The following MDGA2 variants were observed in gnomAD, a reference collection of about 807,000 sequenced individuals.
MDGA2 encodes MAM domain containing glycosylphosphatidylinositol anchor 2, also known as MAM domain-containing glycosylphosphatidylinositol anchor protein 2.
MDGA2 carries 40 observed loss-of-function variants against 117.8 expected under a neutral mutation model. The ratio of observed to expected loss-of-function variants is 0.34; its 90% CI spans 0.26 to 0.44. The LOEUF (loss-of-function observed/expected upper bound fraction) is 0.44. Among genes scored for constraint, MDGA2 ranks in the 20% least tolerant of loss-of-function variants. MDGA2 has a pLI of 1.00. For synonymous variants in MDGA2, 452 were observed against 439.0 expected (o/e 1.03, Z -0.37); for missense variants, 1,123 against 1,250.6 (o/e 0.90, Z 1.54).
intron 5 of MDGA2, among the ~76,000 whole-genome samples, chr14:47,125,604 T>C (rs943276111): frequency 1.3e-5 from 2 of 151,586 alleles, no homozygotes; most frequent in African/African-American, 4.8e-5. Flanking sequence ...GGAAAAAAAA[T>C]TGAAGAATAA....
intron 8 of MDGA2, among the ~76,000 whole-genome samples, chr14:46,971,172 TA>T (rs754032656): frequency 2.6e-5 from 4 of 151,816 alleles, no homozygotes; most frequent in Non-Finnish European, 5.9e-5. Flanking sequence ...TCAAAAAAAA[TA>T]AAAATAGAAC....
At chr14:47,400,947 C>T (rs1369450117) in intron 1 of MDGA2, among the ~76,000 whole-genome samples, 1 of 150,336 alleles carries the variant, frequency 6.7e-6, no homozygotes, top group African/African-American at 2.4e-5. Flanking sequence ...TTAGTAGAGA[C>T]GGGGTTTCAC....
Position 47,155,888 on chromosome 14 carries a change from C to CTTTTTTTTTTTTT in MDGA2, c.596-11627_596-11615dup, listed in dbSNP as rs55827732. ...ATTCTTTTCTTTTCTTCTTCTTCTT[C>CTTTTTTTTTTTTT]TTTTTTTTTTTTTTTTTTTTTTTTT... On this transcript the variant is annotated intron_variant, in intron 3 of 16. Coordinates refer to ENST00000399232, the MANE Select transcript of MDGA2 (RefSeq NM_001113498.3). Among the ~76,000 whole-genome samples the CTTTTTTTTTTTTT allele has an allele frequency of 1.8e-3, 74 of 40,142 alleles. 7 individuals carry two copies. The highest frequency in any genetic ancestry group is 2.6e-3 in the Non-Finnish European group (60 of 23,046). 26.3% of individuals were successfully genotyped at this position (40,142 alleles called of 152,430 possible).
intron 3 of MDGA2, among the ~76,000 whole-genome samples, chr14:47,187,181 A>G (rs1332745512): frequency 6.6e-6 from 1 of 152,030 alleles, no homozygotes; most frequent in African/African-American, 2.4e-5. Context: ...AAAGAAAAAA[A>G]AACGAGAAAT....
chr14:47,619,394 G>C (rs1255477682), intron 1 of MDGA2, among the ~76,000 whole-genome samples: 2 of 152,014 alleles, frequency 1.3e-5, no homozygotes, highest in African/African-American at 4.8e-5. Flanking sequence ...TTATTTTTTT[G>C]AATGAATTAG....
chr14:47,640,554 C>G (rs1897404992), intron 1 of MDGA2, among the ~76,000 whole-genome samples: 1 of 151,974 alleles, frequency 6.6e-6, no homozygotes. Flanking sequence ...GCATATAAAT[C>G]AAATTTTTAG....
chr14:47,066,496 C>T (rs575280122), intron 6 of MDGA2, among the ~76,000 whole-genome samples: 3 of 152,234 alleles, frequency 2.0e-5, no homozygotes, highest in East Asian at 3.9e-4. Context: ...GAACAAACAG[C>T]ATCAACATGG....
intron 8 of MDGA2, among the ~76,000 whole-genome samples, chr14:46,968,143 G>C (rs2138315280): frequency 1.3e-5 from 2 of 152,310 alleles, no homozygotes; most frequent in Admixed American, 1.3e-4. Context: ...AGCTGGCCAA[G>C]GTGGAGGGCA....
intron 1 of MDGA2, among the ~76,000 whole-genome samples, chr14:47,374,850 G>C (rs1566759730): frequency 1.3e-5 from 2 of 151,942 alleles, no homozygotes; most frequent in Non-Finnish European, 2.9e-5. Context: ...TAGATGTTAA[G>C]AGAGTTTAAA....
chr14:47,049,706 G>A (rs1889387845), intron 7 of MDGA2, among the ~76,000 whole-genome samples: 1 of 152,028 alleles, frequency 6.6e-6, no homozygotes, highest in South Asian at 2.1e-4. Context: ...TATATAGAGG[G>A]CTGACTGTAT....
At chr14:47,668,039 CA>C (rs1417623548) in intron 1 of MDGA2, among the ~76,000 whole-genome samples, 1 of 152,072 alleles carries the variant, frequency 6.6e-6, no homozygotes, top group Non-Finnish European at 1.5e-5. Flanking sequence ...GTGTAATAGC[CA>C]AAAATATGTT....
intron 1 of MDGA2, among the ~76,000 whole-genome samples, chr14:47,593,559 G>C (rs186102790): frequency 2.2e-4 from 34 of 152,252 alleles, no homozygotes; most frequent in Non-Finnish European, 4.0e-4. Context: ...GAAAAGGAAC[G>C]AGACCATGTC....
chr14:47,059,286 G>C (rs1183632404), intron 7 of MDGA2: 1 of 1,253,472 alleles, frequency 8.0e-7, no homozygotes. Flanking sequence ...TCCATTCTAT[G>C]GAGAAACCAC....
chr14:47,173,007 A>G (rs1320769990), intron 3 of MDGA2, among the ~76,000 whole-genome samples: 2 of 152,204 alleles, frequency 1.3e-5, no homozygotes, highest in Non-Finnish European at 2.9e-5. Context: ...AGAATGCAGA[A>G]GCCCCAGGAG....
intron 1 of MDGA2, among the ~76,000 whole-genome samples, chr14:47,369,851 C>A (rs964920840): frequency 3.3e-5 from 5 of 151,846 alleles, no homozygotes; most frequent in Non-Finnish European, 2.9e-5. Flanking sequence ...ATATTTGTAG[C>A]ATATAACTAG....
intron 9 of MDGA2, among the ~76,000 whole-genome samples, chr14:46,944,021 G>A (rs569550116): frequency 6.6e-6 from 1 of 152,018 alleles, no homozygotes; most frequent in East Asian, 1.9e-4. Context: ...AAAGATAAAA[G>A]AAACTTAGTC....
chr14:47,386,013 G>A lies in MDGA2; in HGVS notation c.281-84463C>T, dbSNP rs149938358. Among the ~76,000 whole-genome samples the A allele has an allele frequency of 7.2e-5, 11 of 152,226 alleles. 1 individual carries two copies. In the East Asian group the frequency reaches 1.9e-3, roughly 27 times the overall value. On this transcript the variant is annotated intron_variant, in intron 1 of 16. Transcript: ENST00000399232. Reference sequence around the variant, plus strand: ...GCATAGATTTCAGCCAGGCGCGGTGGCTCACATCTGTAATCCCAGCACTTT... The same window carrying A: ...GCATAGATTTCAGCCAGGCGCGGTGACTCACATCTGTAATCCCAGCACTTT...
At position 47,580,150 on chromosome 14, in the gene MDGA2, T is replaced by A. The variant is rs191354184; in HGVS notation, c.280+94367A>T. 1.9e-3 allele frequency among the ~76,000 whole-genome samples: 292 copies of A among 152,172 alleles called. 2 individuals are homozygous for A. Among genetic ancestry groups the A allele is most frequent in the African/African-American group, 6.7e-3 (277 of 41,548 alleles). On this transcript the variant is annotated intron_variant, in intron 1 of 16. Transcript: ENST00000399232. ...CATGTAAATTAATGTCTTAGTTTGTTCCTACTACTATAATAAAATATCTTA... is the reference window on the plus strand; with the variant it reads ...CATGTAAATTAATGTCTTAGTTTGTACCTACTACTATAATAAAATATCTTA...
chr14:47,287,846 T>C (rs1213192876), intron 2 of MDGA2, among the ~76,000 whole-genome samples: 1 of 151,992 alleles, frequency 6.6e-6, no homozygotes, highest in Non-Finnish European at 1.5e-5. Flanking sequence ...TCCACCAGTG[T>C]CGTTACAAGA....
Sources: allele counts gnomAD v4.1 joint callset (sites outside exome capture counted in the v4.1 genomes callset), GRCh38; gene constraint gnomAD v4.1.1; transcripts MANE v1.5; gene names NCBI Gene and HGNC (gene_info 2026-07-23, HGNC 2026-07-21).